The following COMMD6 variants were observed in gnomAD, a reference collection of about 807,000 sequenced individuals.
COMMD6 encodes COMM domain-containing protein 6.
COMMD6 carries 11 observed loss-of-function variants against 13.4 expected under a neutral mutation model. The observed-to-expected ratio is 0.82, with a 90% confidence interval of 0.52 to 1.36. The LOEUF is 1.36. Ranked by LOEUF, COMMD6 falls within the 40% of genes most tolerant of loss-of-function variation. COMMD6 has a pLI of 0.00. For synonymous variants in COMMD6, 43 were observed against 36.5 expected (o/e 1.18, Z -0.64); for missense variants, 124 against 102.4 (o/e 1.21, Z -0.91).
At chr13:75,537,570 C>T in intron 2 of COMMD6, 94 bp downstream of exon 2, 1 of 1,583,562 alleles carries the variant, frequency 6.3e-7, no homozygotes, top group Middle Eastern at 1.9e-4. Flanking sequence ...GGACACAGGA[C>T]TAGGGGAGAC....
At chr13:75,540,034 G>A (rs984196694), upstream of COMMD6, among the ~76,000 whole-genome samples, 1 of 147,304 alleles carries the variant, frequency 6.8e-6, no homozygotes, top group African/African-American at 2.5e-5. Context: ...GCAGTGGCGT[G>A]ATCTCACCTC....
At chr13:75,529,920 T>C in intron 3 of COMMD6, 194 bp downstream of exon 3, 1 of 539,376 alleles carries the variant, frequency 1.9e-6, no homozygotes, top group South Asian at 2.6e-5. Flanking sequence ...CTTCAGCACA[T>C]TATATTGAAA....
chr13:75,545,961 T>C (rs1271646604), intron 1 of COMMD6, among the ~76,000 whole-genome samples: 1 of 152,194 alleles, frequency 6.6e-6, no homozygotes, highest in Non-Finnish European at 1.5e-5. Flanking sequence ...ATAATAATTG[T>C]ACATTTTAAA....
At chr13:75,529,751 C>T (rs1350638388) in intron 3 of COMMD6, 1 of 165,996 alleles carries the variant, frequency 6.0e-6, no homozygotes, top group African/African-American at 2.4e-5. Flanking sequence ...CAACACTATT[C>T]AAAGATTCAT....
chr13:75,534,606 G>C (rs1209845085), intron 2 of COMMD6, among the ~76,000 whole-genome samples: 2 of 152,112 alleles, frequency 1.3e-5, no homozygotes, highest in Non-Finnish European at 2.9e-5. Context: ...ATGTGCGGTA[G>C]CCCCAAAATC....
intron 1 of COMMD6, among the ~76,000 whole-genome samples, chr13:75,549,064 C>T (rs2030970677): frequency 6.6e-6 from 1 of 152,210 alleles, no homozygotes; most frequent in East Asian, 1.9e-4. Context: ...TCTCTTCCCC[C>T]TTCCTCCGTA....
At chr13:75,541,632 G>A (rs140493704), upstream of COMMD6, among the ~76,000 whole-genome samples, 4 of 152,138 alleles carry the variant, frequency 2.6e-5, no homozygotes, top group East Asian at 7.7e-4. Flanking sequence ...GTAGAGTTGT[G>A]TGATTGGTAG....
chr13:75,535,990 A>C (rs967581472), intron 2 of COMMD6, among the ~76,000 whole-genome samples: 1 of 151,862 alleles, frequency 6.6e-6, no homozygotes, highest in Non-Finnish European at 1.5e-5. Context: ...TGGGCTCAAG[A>C]GATCTTCTCT....
intron 2 of COMMD6, among the ~76,000 whole-genome samples, chr13:75,534,276 G>A (rs1220093320): frequency 6.6e-6 from 1 of 152,140 alleles, no homozygotes; most frequent in Non-Finnish European, 1.5e-5. Flanking sequence ...AAGCAGAAAA[G>A]CAATGAAGGC....
At chr13:75,531,861 A>C (rs915759193) in intron 2 of COMMD6, among the ~76,000 whole-genome samples, 4 of 152,266 alleles carry the variant, frequency 2.6e-5, no homozygotes, top group African/African-American at 9.6e-5. Context: ...GATAGAACTT[A>C]GAAAAACTTT....
At chr13:75,531,313 C>A (rs1048488863) in intron 2 of COMMD6, among the ~76,000 whole-genome samples, 1 of 152,222 alleles carries the variant, frequency 6.6e-6, no homozygotes, top group East Asian at 1.9e-4. Flanking sequence ...GAATGGTTCC[C>A]AAGTGTGCCT....
At chr13:75,534,142 A>G (rs2030585105) in intron 2 of COMMD6, among the ~76,000 whole-genome samples, 1 of 152,154 alleles carries the variant, frequency 6.6e-6, no homozygotes, top group Admixed American at 6.5e-5. Flanking sequence ...TCTTATTCTT[A>G]ACAGTATTTA....
upstream of COMMD6, among the ~76,000 whole-genome samples, chr13:75,538,088 C>G (rs184356652): frequency 1.3e-5 from 2 of 152,364 alleles, no homozygotes; most frequent in African/African-American, 4.8e-5. Flanking sequence ...CCCCATCTAA[C>G]AGTGACACGT....
At chr13:75,539,012 C>T (rs907277106), upstream of COMMD6, among the ~76,000 whole-genome samples, 1 of 152,158 alleles carries the variant, frequency 6.6e-6, no homozygotes, top group African/African-American at 2.4e-5. Flanking sequence ...TAGAGGCCAT[C>T]TGCATTCCTT....
chr13:75,540,023 T>C (rs368160513), upstream of COMMD6, among the ~76,000 whole-genome samples: 1 of 146,370 alleles, frequency 6.8e-6, no homozygotes, highest in East Asian at 2.0e-4. Flanking sequence ...CAGGCTGGAG[T>C]GCAGTGGCGT....
chr13:75,530,998 T>C (rs1566197322), intron 2 of COMMD6, among the ~76,000 whole-genome samples: 1 of 152,222 alleles, frequency 6.6e-6, no homozygotes. Context: ...GGCACATAAC[T>C]CTAAAACATA....
At position 75,526,390 on chromosome 13, in the gene COMMD6, T is replaced by G; in HGVS notation, c.*199A>C. 1 of 494,910 alleles carries G rather than the reference T, an allele frequency of 2.0e-6. No individual in the cohort carries two copies. Among genetic ancestry groups the G allele is most frequent in the African/African-American group, 2.0e-5 (1 of 51,158 alleles). 30.7% of individuals were successfully genotyped at this position (494,910 alleles called of 1,614,324 possible). On this transcript the variant is annotated 3_prime_UTR_variant, in exon 4 of 4. Coordinates refer to ENST00000682242, the MANE Select transcript of COMMD6 (RefSeq NM_203495.4). ...CCTCTAAAGTGTCTAATTATCACTT[T>G]TATAAAGCACATTCACAAAGTTTTG...
chr13:75,532,567 C>T (rs1292965585), intron 2 of COMMD6, among the ~76,000 whole-genome samples: 2 of 152,154 alleles, frequency 1.3e-5, no homozygotes, highest in South Asian at 2.1e-4. Context: ...TGCGGTGGCT[C>T]ACGCCTGTAA....
upstream of COMMD6, among the ~76,000 whole-genome samples, chr13:75,541,779 CA>C (rs2030827183): frequency 6.6e-6 from 1 of 152,088 alleles, no homozygotes; most frequent in Admixed American, 6.6e-5. Context: ...TACTGTATTA[CA>C]ATACACTATC....
Sources: gnomAD v4.1 joint callset for allele counts (sites outside exome capture counted in the v4.1 genomes callset) on GRCh38, gnomAD v4.1.1 for gene constraint, MANE v1.5 for transcripts, NCBI Gene and HGNC (gene_info 2026-07-23, HGNC 2026-07-21) for gene names.